CHRDL1: variants seen among roughly 807,000 people sequenced by gnomAD.
The protein encoded by CHRDL1 is chordin-like protein 1.
Under a neutral mutation model 40.9 loss-of-function variants are expected in CHRDL1, and 19 were observed. The observed-to-expected ratio is 0.46, with a 90% CI of 0.32 to 0.68. The LOEUF (loss-of-function observed/expected upper bound fraction) is 0.68. CHRDL1 is among the 30% of genes least tolerant of loss of function. The pLI is 0.03. For synonymous variants in CHRDL1, 136 were observed against 123.4 expected, an observed-to-expected ratio of 1.10 and a Z score of -0.68; for missense variants, 329 against 352.1, an observed-to-expected ratio of 0.93 and a Z score of 0.53.
chrX:110,706,129 T>C (rs1246205550), intron 6 of CHRDL1, among the ~76,000 whole-genome samples: 1 of 111,103 alleles, frequency 9.0e-6, no homozygotes, highest in East Asian at 2.8e-4. Context: ...ATATCATACT[T>C]TGAAAAAAAG....
At chrX:110,677,975 G>A (rs758552236) in intron 11 of CHRDL1, among the ~76,000 whole-genome samples, 56 of 111,316 alleles carry the variant, frequency 5.0e-4, no homozygotes, top group Non-Finnish European at 7.5e-5. Flanking sequence ...GTTTCTCACA[G>A]TGACGTCTCC....
At chrX:110,711,231 G>A (rs924039020) in intron 6 of CHRDL1, among the ~76,000 whole-genome samples, 2 of 111,334 alleles carry the variant, frequency 1.8e-5, no homozygotes, top group African/African-American at 3.3e-5. Flanking sequence ...TATAGAGGGC[G>A]GACTGTATTT....
intron 4 of CHRDL1, among the ~76,000 whole-genome samples, chrX:110,748,776 T>C (rs73528244): frequency 0.025 from 2,768 of 112,261 alleles, 84 homozygotes; most frequent in African/African-American, 0.084. Flanking sequence ...TATGAGGTAC[T>C]GAGAGTAGTC....
At chrX:110,773,209 T>C (rs763731647) in intron 2 of CHRDL1, among the ~76,000 whole-genome samples, 10 of 112,358 alleles carry the variant, frequency 8.9e-5, no homozygotes, top group Non-Finnish European at 1.9e-4. Context: ...AATATATTAA[T>C]TCCTTGCTAT....
chrX:110,707,831 A>G (rs1345194411), intron 6 of CHRDL1, among the ~76,000 whole-genome samples: 1 of 112,142 alleles, frequency 8.9e-6, no homozygotes. Flanking sequence ...TCACAGCAAA[A>G]GAAACTATCA....
chrX:110,795,256 T>C (rs1283610209), intron 1 of CHRDL1, among the ~76,000 whole-genome samples: 1 of 111,175 alleles, frequency 9.0e-6, no homozygotes, highest in Non-Finnish European at 1.9e-5. Context: ...GAGCCTAGTG[T>C]CTCAAATTCT....
At chrX:110,761,512 G>T (rs1345069235) in intron 3 of CHRDL1, among the ~76,000 whole-genome samples, 2 of 111,671 alleles carry the variant, frequency 1.8e-5, no homozygotes, top group Non-Finnish European at 3.8e-5. Flanking sequence ...CTAGTACAAG[G>T]CCTCCCTTTC....
Position 110,689,402 on chromosome X carries a change from ATATC to A in CHRDL1, c.779-603_779-600del, listed in dbSNP as rs1263714196. Among the ~76,000 whole-genome samples the A allele has an allele frequency of 5.2e-5, 2 of 38,219 alleles. 1 individual carries two copies. The highest frequency in any genetic ancestry group is 3.9e-4 in the African/African-American group (2 of 5,189). 33.2% of individuals were successfully genotyped at this position (38,219 alleles called of 115,157 possible). A position where few individuals can be genotyped will look rare whatever the true frequency, so the allele number is the denominator to read the frequency against. On this transcript the variant is annotated intron_variant, in intron 8 of 11. Coordinates refer to ENST00000372042, the MANE Select transcript of CHRDL1 (RefSeq NM_001143981.2). ...ATGAGCCACCGCACCCAGCCTATAT[ATATC>A]TATATATCTATATATATCTATATAT...
chrX:110,689,470 ATATATCTATATATCTATATCTC>A (rs1235948773), intron 8 of CHRDL1, among the ~76,000 whole-genome samples: 5,079 of 57,083 alleles, frequency 0.089, 1,737 homozygotes, highest in African/African-American at 0.53. Context: ...ATATATATCT[ATATATCTATATATCTATATCTC>A]TATATATCTA....
chrX:110,687,934 G>A (rs1460902679), intron 9 of CHRDL1, among the ~76,000 whole-genome samples: 9 of 111,753 alleles, frequency 8.1e-5, no homozygotes, highest in African/African-American at 2.9e-4. Flanking sequence ...CGATGGGCTG[G>A]AAGTGACTTG....
chrX:110,718,642 C>G (rs953193766), intron 6 of CHRDL1, among the ~76,000 whole-genome samples: 1 of 112,247 alleles, frequency 8.9e-6, no homozygotes, highest in African/African-American at 3.2e-5. Flanking sequence ...GGGATCTTTG[C>G]ATGGGTGACT....
In CHRDL1 at chrX:110,762,572, C is replaced by G. The variant is rs768292557; in HGVS notation, c.207+123G>C. On this transcript the variant is annotated intron_variant, in intron 3 of 11. Coordinates refer to ENST00000372042, the MANE Select transcript of CHRDL1 (RefSeq NM_001143981.2). ...GATTATAGGCGTGAGACAGTGCGAT[C>G]GGTCTGCTTCTTTACTTTCTTTAAG... 6 of 451,757 alleles carry G rather than the reference C, an allele frequency of 1.3e-5. No homozygotes were observed. The Admixed American group carries it at 2.6e-4, about 19-fold the overall frequency. The allele number at this position is 451,757 out of a possible 1,213,427, so 37.2% of individuals were successfully genotyped here.
chrX:110,769,174 T>C (rs913592148), intron 2 of CHRDL1, among the ~76,000 whole-genome samples: 1 of 112,415 alleles, frequency 8.9e-6, no homozygotes, highest in Non-Finnish European at 1.9e-5. Flanking sequence ...TATGCAAGCA[T>C]AAGCAACTGA....
At chrX:110,703,647 C>T (rs191420138) in intron 6 of CHRDL1, among the ~76,000 whole-genome samples, 110 of 111,880 alleles carry the variant, frequency 9.8e-4, no homozygotes, top group African/African-American at 3.4e-3. Context: ...AGCCTAAAAA[C>T]ACACAAAAAA....
chrX:110,679,226 C>G (rs1338721318), intron 11 of CHRDL1, 110 bp downstream of exon 11: 3 of 553,601 alleles, frequency 5.4e-6, no homozygotes, highest in Non-Finnish European at 9.6e-6. Context: ...AGTGTTGATA[C>G]TGAGCAGTGC....
At chrX:110,778,084 C>T (rs190808099) in intron 2 of CHRDL1, among the ~76,000 whole-genome samples, 1 of 111,150 alleles carries the variant, frequency 9.0e-6, no homozygotes, top group African/African-American at 3.3e-5. Flanking sequence ...CTTCCTTAAA[C>T]CATGTACAAA....
At chrX:110,721,817 G>C (rs1180033441) in intron 4 of CHRDL1, among the ~76,000 whole-genome samples, 2 of 112,234 alleles carry the variant, frequency 1.8e-5, no homozygotes, top group African/African-American at 6.5e-5. Context: ...ATTGTAATAT[G>C]TGTTAGAGAG....
intron 6 of CHRDL1, among the ~76,000 whole-genome samples, chrX:110,708,171 G>T (rs1353790107): frequency 9.0e-6 from 1 of 110,767 alleles, no homozygotes; most frequent in Non-Finnish European, 1.9e-5. Flanking sequence ...TGAGAAATTG[G>T]AACACTTTTA....
At chrX:110,762,374 T>G (rs1469342577) in intron 3 of CHRDL1, among the ~76,000 whole-genome samples, 1 of 111,699 alleles carries the variant, frequency 9.0e-6, no homozygotes, top group Non-Finnish European at 1.9e-5. Flanking sequence ...AGTCCCCAGC[T>G]CAAGTGATCC....
Sources: allele counts gnomAD v4.1 joint callset (sites outside exome capture counted in the v4.1 genomes callset), GRCh38; gene constraint gnomAD v4.1.1; transcripts MANE v1.5; gene names NCBI Gene and HGNC (gene_info 2026-07-23, HGNC 2026-07-21).